Variants in TTC28 observed in about 807,000 individuals in gnomAD.
The protein encoded by TTC28 is tetratricopeptide repeat protein 28.
TTC28 carries 61 observed loss-of-function variants against 198.0 expected under a neutral mutation model. The ratio of observed to expected loss-of-function variants is 0.31; its 90% CI spans 0.25 to 0.38. TTC28 has a LOEUF of 0.38. Ranked by LOEUF, TTC28 falls within the 10% of genes least tolerant of loss-of-function variation. TTC28 has a pLI of 1.00. For synonymous variants in TTC28, 1,171 were observed against 1,297.8 expected, an observed-to-expected ratio of 0.90 and a Z score of 2.10; for missense variants, 2,678 against 3,164.0, an observed-to-expected ratio of 0.85 and a Z score of 3.69.
chr22:28,207,646 T>C (rs1390076927), intron 5 of TTC28, among the ~76,000 whole-genome samples: 3 of 152,082 alleles, frequency 2.0e-5, no homozygotes, highest in Non-Finnish European at 2.9e-5. Flanking sequence ...ATTAGAACCA[T>C]CAAAATCAGC....
intron 2 of TTC28, among the ~76,000 whole-genome samples, chr22:28,545,952 A>G (rs1343103439): frequency 6.6e-6 from 1 of 152,310 alleles, no homozygotes; most frequent in East Asian, 1.9e-4. Context: ...TTCCAACAAG[A>G]TTTTTTGTAG....
chr22:28,222,881 T>C (rs969318006), intron 5 of TTC28, among the ~76,000 whole-genome samples: 2 of 152,196 alleles, frequency 1.3e-5, no homozygotes, highest in African/African-American at 4.8e-5. Flanking sequence ...GGGAACAAAT[T>C]ATGCACACAT....
At chr22:28,653,395 C>A (rs918444829) in intron 1 of TTC28, among the ~76,000 whole-genome samples, 5 of 151,964 alleles carry the variant, frequency 3.3e-5, no homozygotes, top group Admixed American at 1.3e-4. Flanking sequence ...CCCAGCTACT[C>A]ACGAAGCTGA....
At chr22:28,464,698 T>C (rs1156533859) in intron 2 of TTC28, among the ~76,000 whole-genome samples, 1 of 152,210 alleles carries the variant, frequency 6.6e-6, no homozygotes, top group Non-Finnish European at 1.5e-5. Context: ...GTATCAGGAC[T>C]TGTATTTTAT....
chr22:28,231,941 G>T lies in TTC28; in HGVS notation c.933+64257C>A, dbSNP rs144232198. Among the ~76,000 whole-genome samples, 7 of 152,302 alleles carry T rather than the reference G, an allele frequency of 4.6e-5. No homozygotes were observed. The East Asian group carries it at 5.8e-4, about 13-fold the overall frequency. On this transcript the variant is annotated intron_variant, in intron 5 of 22. Coordinates refer to ENST00000397906, the MANE Select transcript of TTC28 (RefSeq NM_001145418.2). ...TACTTAATCTAGACTTACACACCTA[G>T]GGGCCACAGTAGTTCATAATTGAGA...
At chr22:28,652,650 A>G (rs2051581929) in intron 1 of TTC28, among the ~76,000 whole-genome samples, 1 of 152,184 alleles carries the variant, frequency 6.6e-6, no homozygotes, top group Non-Finnish European at 1.5e-5. Flanking sequence ...AAATCTTCTT[A>G]GCTGTTTTTA....
intron 2 of TTC28, among the ~76,000 whole-genome samples, chr22:28,425,767 T>C (rs2047340509): frequency 6.6e-6 from 1 of 152,116 alleles, no homozygotes; most frequent in Non-Finnish European, 1.5e-5. Flanking sequence ...TTGGGCAAGC[T>C]GCGATGGAAT....
chr22:28,534,402 G>T (rs1260050990), intron 2 of TTC28, among the ~76,000 whole-genome samples: 1 of 152,152 alleles, frequency 6.6e-6, no homozygotes, highest in Non-Finnish European at 1.5e-5. Context: ...TCATTAAAAA[G>T]TCAGGAAACA....
chr22:28,619,147 T>TA (rs2050949487), intron 2 of TTC28, among the ~76,000 whole-genome samples: 1 of 152,168 alleles, frequency 6.6e-6, no homozygotes, highest in South Asian at 2.1e-4. Flanking sequence ...ATAGTTTTAC[T>TA]AAAAAGCATG....
chr22:28,413,040 T>C (rs1212874247), intron 2 of TTC28, among the ~76,000 whole-genome samples: 1 of 152,226 alleles, frequency 6.6e-6, no homozygotes, highest in Non-Finnish European at 1.5e-5. Context: ...TCTCACTCGC[T>C]GTGTTATTTA....
At chr22:28,405,161 G>A (rs1601350299) in intron 2 of TTC28, among the ~76,000 whole-genome samples, 1 of 152,230 alleles carries the variant, frequency 6.6e-6, no homozygotes, top group East Asian at 1.9e-4. Context: ...AATTCATCAT[G>A]CAGAAGGTTT....
intron 21 of TTC28, among the ~76,000 whole-genome samples, chr22:27,988,800 C>T (rs1305956997): frequency 1.3e-5 from 2 of 152,100 alleles, no homozygotes; most frequent in Admixed American, 1.3e-4. Flanking sequence ...GGCACTTTCT[C>T]CTGCAAACAT....
chr22:28,550,682 G>C (rs2049651243), intron 2 of TTC28, among the ~76,000 whole-genome samples: 1 of 152,044 alleles, frequency 6.6e-6, no homozygotes, highest in African/African-American at 2.4e-5. Context: ...ACAGTATAAT[G>C]ACATAAATGC....
intron 12 of TTC28, among the ~76,000 whole-genome samples, chr22:28,036,386 A>G (rs572765952): frequency 6.6e-6 from 1 of 152,342 alleles, no homozygotes; most frequent in South Asian, 2.1e-4. Flanking sequence ...GGACAACTAC[A>G]TGGAAACTGA....
chr22:28,310,927 G>A (rs889144699), intron 2 of TTC28, among the ~76,000 whole-genome samples: 10 of 151,768 alleles, frequency 6.6e-5, no homozygotes, highest in African/African-American at 1.2e-4. Context: ...GTTCAGGTGC[G>A]CACCACCACT....
rs565267642 is a variant in TTC28, at chr22:28,536,036, G to A, written c.381+93516C>T. Among the ~76,000 whole-genome samples the A allele has an allele frequency of 3.1e-4, 47 of 149,524 alleles. No homozygotes were observed. The South Asian group carries it at 9.8e-3, about 31-fold the overall frequency. Reference sequence around the variant, plus strand: ...CCACGGTGAAACCCCGTCTCTACTAGAAATACAAAAAATTAGCTTGGCTTG... The same window carrying A: ...CCACGGTGAAACCCCGTCTCTACTAAAAATACAAAAAATTAGCTTGGCTTG... On this transcript the variant is annotated intron_variant, in intron 2 of 22. Coordinates refer to ENST00000397906, the MANE Select transcript of TTC28 (RefSeq NM_001145418.2).
chr22:28,219,708 C>CA (rs1210973242), intron 5 of TTC28, among the ~76,000 whole-genome samples: 2 of 151,976 alleles, frequency 1.3e-5, no homozygotes, highest in Non-Finnish European at 2.9e-5. Context: ...ATCAAAAGAA[C>CA]AAAATGGGAA....
intron 2 of TTC28, among the ~76,000 whole-genome samples, chr22:28,339,895 G>A (rs2045801209): frequency 6.6e-6 from 1 of 152,062 alleles, no homozygotes; most frequent in African/African-American, 2.4e-5. Context: ...TGCACCCACT[G>A]TCCTGCACCC....
chr22:28,673,850 C>T (rs1312598188), intron 1 of TTC28, among the ~76,000 whole-genome samples: 2 of 152,090 alleles, frequency 1.3e-5, no homozygotes, highest in Non-Finnish European at 2.9e-5. Context: ...GCTGAAGAGA[C>T]ACCAAAATAA....
Sources: gnomAD v4.1 joint callset for allele counts (sites outside exome capture counted in the v4.1 genomes callset) on GRCh38, gnomAD v4.1.1 for gene constraint, MANE v1.5 for transcripts, NCBI Gene and HGNC (gene_info 2026-07-23, HGNC 2026-07-21) for gene names.